Variants in LIMCH1 observed in about 807,000 individuals in gnomAD.
The protein encoded by LIMCH1 is LIM and calponin homology domains 1, also known as LIM and calponin homology domains-containing protein 1.
Under a neutral mutation model 176.5 loss-of-function variants are expected in LIMCH1, and 113 were observed. That is an observed-to-expected ratio of 0.64 (90% CI 0.55 to 0.75). The LOEUF (loss-of-function observed/expected upper bound fraction) is 0.75. LIMCH1 is among the 30% of genes least tolerant of loss of function. The pLI, the probability that LIMCH1 is intolerant of heterozygous loss-of-function variation, is 0.00. For missense variants in LIMCH1, 1,674 were observed against 1,814.9 expected, an observed-to-expected ratio of 0.92 and a Z score of 1.41; for synonymous variants, 619 against 645.9, an observed-to-expected ratio of 0.96 and a Z score of 0.63.
intron 14 of LIMCH1, among the ~76,000 whole-genome samples, chr4:41,644,297 G>A (rs2093958042): frequency 6.6e-6 from 1 of 152,136 alleles, no homozygotes. Flanking sequence ...TGGCGTTTGC[G>A]GCAAAAGGAG....
chr4:41,560,610 G>A (rs962376567), intron 1 of LIMCH1, among the ~76,000 whole-genome samples: 1 of 152,210 alleles, frequency 6.6e-6, no homozygotes, highest in Non-Finnish European at 1.5e-5. Context: ...CTGAGGCTGG[G>A]CATGATGGCT....
intron 1 of LIMCH1, among the ~76,000 whole-genome samples, chr4:41,484,255 T>C (rs1258182286): frequency 2.0e-5 from 3 of 152,244 alleles, no homozygotes; most frequent in Admixed American, 2.0e-4. Flanking sequence ...TCTAATGTTT[T>C]ATTTTTTCCC....
At chr4:41,530,783 G>A (rs969127520) in intron 3 of LIMCH1, among the ~76,000 whole-genome samples, 10 of 69,762 alleles carry the variant, frequency 1.4e-4, no homozygotes, top group East Asian at 1.2e-3. Context: ...CTACAAGAGC[G>A]AAACCCCGCC....
upstream of LIMCH1, among the ~76,000 whole-genome samples, chr4:41,535,326 A>T (rs2077788849): frequency 6.6e-6 from 1 of 152,138 alleles, no homozygotes; most frequent in Admixed American, 6.5e-5. Context: ...TCTGATGGCC[A>T]TAACAAAGTA....
chr4:41,408,316 G>T (rs12649242), intron 1 of LIMCH1, among the ~76,000 whole-genome samples: 126 of 152,070 alleles, frequency 8.3e-4, no homozygotes, highest in African/African-American at 3.0e-3. Flanking sequence ...TAAAAGACTC[G>T]CCCTGAGAAA....
chr4:41,515,116 C>T (rs1379286296), intron 2 of LIMCH1, among the ~76,000 whole-genome samples: 1 of 152,326 alleles, frequency 6.6e-6, no homozygotes, highest in East Asian at 1.9e-4. Context: ...GGCTTGTCCT[C>T]GTCATCCTCA....
chr4:41,372,533 A>G (rs1418688215), intron 1 of LIMCH1, among the ~76,000 whole-genome samples: 2 of 152,220 alleles, frequency 1.3e-5, no homozygotes, highest in African/African-American at 2.4e-5. Context: ...ACCCACACAG[A>G]TGCATACATA....
intron 15 of LIMCH1, among the ~76,000 whole-genome samples, chr4:41,644,976 C>T (rs1430621937): frequency 6.6e-6 from 1 of 152,008 alleles, no homozygotes; most frequent in Non-Finnish European, 1.5e-5. Flanking sequence ...ATAACAATGA[C>T]CAACATCAAA....
At chr4:41,687,644 G>A (rs1721973085) in intron 28 of LIMCH1, among the ~76,000 whole-genome samples, 196 bp from the exon 29 acceptor site, 1 of 151,400 alleles carries the variant, frequency 6.6e-6, no homozygotes, top group South Asian at 2.1e-4. Flanking sequence ...GCTAATACAT[G>A]TACAATTCTT....
intron 15 of LIMCH1, 32 bp downstream of exon 15, chr4:41,644,658 G>T: frequency 3.2e-6 from 5 of 1,585,550 alleles, no homozygotes; most frequent in Non-Finnish European, 4.3e-6. Flanking sequence ...CGGGCAGCGG[G>T]GAGGCTTCTG....
intron 1 of LIMCH1, among the ~76,000 whole-genome samples, chr4:41,370,795 G>C (rs1335439954): frequency 6.6e-6 from 1 of 152,184 alleles, no homozygotes; most frequent in Non-Finnish European, 1.5e-5. Context: ...GGTAGTGTAG[G>C]TGCTTGCATG....
At chr4:41,393,405 A>T (rs1174538527) in intron 1 of LIMCH1, among the ~76,000 whole-genome samples, 1 of 152,212 alleles carries the variant, frequency 6.6e-6, no homozygotes, top group Admixed American at 6.5e-5. Flanking sequence ...TAAAGTGTGC[A>T]TTAGTAGAGC....
In LIMCH1 at chr4:41,393,743, T is replaced by C. The variant is rs16853165; in HGVS notation, c.96+32807T>C. ...CTTTTATCTTTAACCTATAAAAATGTATCCCTCTTTTAATCATCTAGAATT... is the reference window on the plus strand; with the variant it reads ...CTTTTATCTTTAACCTATAAAAATGCATCCCTCTTTTAATCATCTAGAATT... On this transcript the variant is annotated intron_variant, in intron 1 of 26. Transcript: ENST00000313860. 4.1e-3 allele frequency among the ~76,000 whole-genome samples: 628 copies of C among 152,342 alleles called. 5 individuals carry two copies. Among genetic ancestry groups the C allele is most frequent in the African/African-American group, 0.014 (592 of 41,576 alleles).
intron 1 of LIMCH1, among the ~76,000 whole-genome samples, chr4:41,460,661 G>A (rs1233758092): frequency 1.3e-5 from 2 of 152,074 alleles, no homozygotes; most frequent in Admixed American, 6.5e-5. Flanking sequence ...AAGCCCGAAA[G>A]AGCCACCTGC....
At chr4:41,398,806 A>G (rs142927160) in intron 1 of LIMCH1, among the ~76,000 whole-genome samples, 37 of 152,286 alleles carry the variant, frequency 2.4e-4, no homozygotes, top group African/African-American at 8.4e-4. Flanking sequence ...CTCCCATCCC[A>G]AGTGTCTCTT....
At chr4:41,487,759 C>T (rs1257024846) in intron 1 of LIMCH1, among the ~76,000 whole-genome samples, 4 of 149,252 alleles carry the variant, frequency 2.7e-5, no homozygotes, top group South Asian at 2.1e-4. Context: ...CCTGGGTTCA[C>T]GCCATTCTCC....
At chr4:41,625,981 C>T (rs1295873680) in intron 7 of LIMCH1, among the ~76,000 whole-genome samples, 7 of 152,072 alleles carry the variant, frequency 4.6e-5, no homozygotes, top group Admixed American at 1.3e-4. Flanking sequence ...TGCACCACTG[C>T]GTTCCAGCCT....
rs1296672024 is a variant in LIMCH1 at position 41,619,402 on chromosome 4, TACCGCC to T, written c.424_429del (p.Ala142_Thr143del). 1 of 1,612,550 alleles carries T rather than the reference TACCGCC, an allele frequency of 6.2e-7. No homozygotes were observed. The highest frequency in any genetic ancestry group is 1.7e-5 in the Admixed American group (1 of 60,028). Reference sequence around the variant, plus strand: ...GAGAGGAATACCGCAAGAGCTGGAGTACCGCCACCTCCCCGCTGGGTGGGGAGAGGC... The same window carrying T: ...GAGAGGAATACCGCAAGAGCTGGAGTACCTCCCCGCTGGGTGGGGAGAGGC... On this transcript the variant is annotated inframe_deletion, in exon 6 of 32. Coordinates refer to ENST00000503057, the MANE Select transcript of LIMCH1 (RefSeq NM_001330672.2).
Position 41,631,413 on chromosome 4 carries a change from C to G in LIMCH1, c.1537C>G (p.Pro513Ala). The part of the protein sequence containing the change: ...GSKIQMDSVS[P>A]VSAATSSLKG... ...CAAGATTCAAATGGACTCTGTGTCTCCTGTCTCAGCGGCCACTTCCAGCTT... is the reference window on the plus strand; with the variant it reads ...CAAGATTCAAATGGACTCTGTGTCTGCTGTCTCAGCGGCCACTTCCAGCTT... Residue 513 changes from proline (P) to alanine (A), a missense_variant, in exon 10 of 32, where the codon CCT (proline) becomes GCT (alanine). This residue lies in a region of LIMCH1 where 655 missense variants were observed against 692.2 expected (regional missense o/e 0.95). Transcript: ENST00000503057. The G allele has an allele frequency of 6.5e-7, 1 of 1,533,752 alleles. No homozygotes were observed. The highest frequency in any genetic ancestry group is 1.2e-5 in the South Asian group (1 of 83,198).
Sources: gnomAD v4.1 joint callset for allele counts (sites outside exome capture counted in the v4.1 genomes callset) on GRCh38, gnomAD v4.1.1 for gene constraint, gnomAD v4.1.1 regional missense constraint, MANE v1.5 for transcripts, NCBI Gene and HGNC (gene_info 2026-07-23, HGNC 2026-07-21) for gene names.